Variants in KMT2D observed in about 807,000 individuals in gnomAD.
The protein encoded by KMT2D is histone-lysine N-methyltransferase 2D.
A neutral mutation model predicts 512.7 loss-of-function variants in KMT2D; 55 were observed. The observed-to-expected ratio is 0.11, with a 90% CI of 0.09 to 0.13. The LOEUF (loss-of-function observed/expected upper bound fraction) is 0.13. KMT2D is among the 10% of genes least tolerant of loss of function. The pLI, the probability that KMT2D is intolerant of heterozygous loss-of-function variation, is 1.00. For synonymous variants in KMT2D, 2,995 were observed against 2,904.0 expected (o/e 1.03, Z -1.01); for missense variants, 6,061 against 7,127.9 (o/e 0.85, Z 5.39).
chr12:49,043,699 T>C lies in KMT2D; in HGVS notation c.5403A>G (p.Leu1801=), dbSNP rs2120572093. The change falls in exon 24 of 55, where the codon CTA becomes CTG. Residue 1801 remains leucine, a synonymous_variant. Coordinates refer to ENST00000301067, the MANE Select transcript of KMT2D (RefSeq NM_003482.4). The part of the protein sequence containing the change: ...AVGVGRPSFG[L]GTPKAKGDGG... ...CATCTCCCTTGGCTTTTGGGGTCCC[T>C]AGTCCAAAGCTTGGCCGGCCCACCC... 1.2e-6 allele frequency: 2 copies of C among 1,614,028 alleles called. No individual in the cohort carries two copies. Among genetic ancestry groups the C allele is most frequent in the Non-Finnish European group, 1.7e-6 (2 of 1,179,880 alleles).
Position 49,031,398 on chromosome 12 carries a change from T to C in KMT2D, c.13307A>G (p.Asn4436Ser), listed in dbSNP as rs540151319. ...TCCTGGTGCCCCTATTGGCTCCCCA[T>C]TGGCCTCCCTCTTCACTGACTGGGC... ...LGAQSVKREA[N>S]GEPIGAPGTS... Residue 4436 changes from asparagine (N) to serine (S), a missense_variant, in exon 40 of 55, where the codon AAT becomes AGT. This residue lies in a region of KMT2D where 1,600 missense variants were observed against 1,754.9 expected (regional missense o/e 0.91). Coordinates refer to ENST00000301067, the MANE Select transcript of KMT2D (RefSeq NM_003482.4). The C allele has an allele frequency of 3.1e-6, 5 of 1,613,672 alleles. No homozygotes were observed. In the African/African-American group the frequency reaches 5.3e-5, roughly 17 times the overall value.
At chr12:49,023,907 T>G (rs1942443454) in intron 51 of KMT2D, 1 of 343,462 alleles carries the variant, frequency 2.9e-6, no homozygotes. Context: ...GGGACTAAGG[T>G]CCCTGGTACA....
rs1439459361 is a variant in KMT2D at position 49,038,783 on chromosome 12, G to A, written c.8573C>T (p.Ser2858Phe). The change falls in exon 35 of 55, where the codon TCC becomes TTC. Residue 2858 changes from serine to phenylalanine, a missense_variant. Ser to Phe is a radical substitution (Grantham distance 155, BLOSUM62 -2). This residue lies in a region of KMT2D where 527 missense variants were observed against 578.9 expected (regional missense o/e 0.91). Coordinates refer to ENST00000301067, the MANE Select transcript of KMT2D (RefSeq NM_003482.4). This position sits in a 1 kb window ranked among gnomAD's most constrained non-coding sequence, Gnocchi z 5.7. Reference sequence around the variant, plus strand: ...CTCACCAGGGCCTGGCAGACGGGTGGAAATTCCCGCCAACGGGGAACCTAG... The same window carrying A: ...CTCACCAGGGCCTGGCAGACGGGTGAAAATTCCCGCCAACGGGGAACCTAG... ...QALGSPLAGI[S>F]TRLPGPGEPV... is the part of the protein sequence containing the mutation. 4 of 1,595,598 alleles carry A rather than the reference G, an allele frequency of 2.5e-6. No individual in the cohort carries two copies. The highest frequency in any genetic ancestry group is 3.4e-6 in the Non-Finnish European group (4 of 1,171,104).
chr12:49,041,906 T>G lies in KMT2D; in HGVS notation c.6183+11A>C. 6.3e-7 allele frequency: 1 copy of G among 1,598,592 alleles called. No individual in the cohort carries two copies. The highest frequency in any genetic ancestry group is 8.5e-7 in the Non-Finnish European group (1 of 1,171,424). ...AGTTCCCACGCTAATCCATGCTCCT[T>G]TCTGCCTCACCAGGTAGGGGGCTTT... On this transcript the variant is annotated intron_variant, in intron 30 of 54. Transcript: ENST00000301067. This position sits in a 1 kb window ranked among gnomAD's most constrained non-coding sequence, Gnocchi z 5.4.
chr12:49,056,326 C>T (rs1042967304), intron 1 of KMT2D, among the ~76,000 whole-genome samples: 2 of 152,120 alleles, frequency 1.3e-5, no homozygotes, highest in African/African-American at 4.8e-5. Context: ...GTCCCTTGTC[C>T]CTTCTTCTAA....
chr12:49,024,682 G>C lies in KMT2D; in HGVS notation c.15948C>G (p.Asn5316Lys), dbSNP rs1335241749. The change falls in exon 51 of 55, where the codon AAC becomes AAG. Residue 5316 changes from asparagine to lysine, a missense_variant. Physicochemically the swap from Asn to Lys is moderately conservative, Grantham distance 94. Around this residue, in one of 16 missense-constraint regions of KMT2D, gnomAD observed 261 missense variants for 440.7 expected, o/e 0.59. Coordinates refer to ENST00000301067, the MANE Select transcript of KMT2D (RefSeq NM_003482.4). The surrounding 1 kb of genome is among the most constrained non-coding windows in gnomAD (Gnocchi z 4.5). The stretch of plus-strand genomic sequence containing the variant: ...GGTGGCGCCCATAGCGGAATAAATA[G>C]TTTTGACAGCTCTCCACCCCGGGCA... ...ESLPGVESCQ[N>K]YLFRYGRHPL... 6.2e-7 allele frequency: 1 copy of C among 1,613,888 alleles called. No homozygotes were observed. The highest frequency in any genetic ancestry group is 8.5e-7 in the Non-Finnish European group (1 of 1,179,838).
In KMT2D at chr12:49,054,219, A is replaced by G. The variant is rs1938261638; in HGVS notation, c.511-79T>C. 2 of 1,533,096 alleles carry G rather than the reference A, an allele frequency of 1.3e-6. No homozygotes were observed. The highest frequency in any genetic ancestry group is 1.8e-6 in the Non-Finnish European group (2 of 1,131,722). 95.0% of individuals were successfully genotyped at this position (1,533,096 alleles called of 1,614,324 possible). ...GTTCAGGCACTAGCTCTGCCCCAGT[A>G]TACCCATGGTCCTTCTCATTCCAAC... On this transcript the variant is annotated intron_variant, in intron 5 of 54. Transcript: ENST00000301067. This position sits in a 1 kb window ranked among gnomAD's most constrained non-coding sequence, Gnocchi z 6.4.
rs1321379103 is a variant in KMT2D, at chr12:49,026,027, A to C, written c.15784+155T>G. On this transcript the variant is annotated intron_variant, in intron 49 of 54. Transcript: ENST00000301067. This position sits in a 1 kb window ranked among gnomAD's most constrained non-coding sequence, Gnocchi z 9.6. ...TGACAAGAGAGGCTCAAACACTTTC[A>C]CTGGGAGTTTTCAAGAGACCCCCTG... Among the ~76,000 whole-genome samples, 1 of 152,192 alleles carries C rather than the reference A, an allele frequency of 6.6e-6. No individual in the cohort carries two copies. Among genetic ancestry groups the C allele is most frequent in the Non-Finnish European group, 1.5e-5 (1 of 68,020 alleles).
In KMT2D at chr12:49,026,046, C is replaced by G; in HGVS notation, c.15784+136G>C. 1.3e-6 allele frequency: 1 copy of G among 794,134 alleles called. No individual in the cohort carries two copies. The highest frequency in any genetic ancestry group is 1.9e-6 in the Non-Finnish European group (1 of 517,184). 49.2% of individuals were successfully genotyped at this position (794,134 alleles called of 1,614,324 possible). The stretch of plus-strand genomic sequence containing the variant: ...ACTTTCACTGGGAGTTTTCAAGAGA[C>G]CCCCTGCCTGCCTGAGGTGGGGGAA... On this transcript the variant is annotated intron_variant, in intron 49 of 54. Coordinates refer to ENST00000301067, the MANE Select transcript of KMT2D (RefSeq NM_003482.4). This position sits in a 1 kb window ranked among gnomAD's most constrained non-coding sequence, Gnocchi z 9.6.
Position 49,031,297 on chromosome 12 carries a change from T to G in KMT2D, c.13408A>C (p.Lys4470Gln). Residue 4470 changes from lysine to glutamine, a missense_variant, in exon 40 of 55, where the codon AAG becomes CAG. Transcript: ENST00000301067. ...HLLLQKLLRA[K>Q]NVQLSTGRGS... ...CGCCCAGTGCTGAGTTGCACATTCT[T>G]TGCCCGGAGTAGCTTCTGCAAGAGC... 6.2e-7 allele frequency: 1 copy of G among 1,613,578 alleles called. No individual in the cohort carries two copies. Among genetic ancestry groups the G allele is most frequent in the Non-Finnish European group, 8.5e-7 (1 of 1,179,902 alleles).
rs752287450 is a variant in KMT2D, at chr12:49,054,370, T to A, written c.447A>T (p.Val149=). ...HHWCAAWSAG[V]WGQEGPELCG... Reference sequence around the variant, plus strand: ...ATAGTTCTGGGCCCTCCTGCCCCCATACGCCTGCCGACCATGCAGCACACC... The same window carrying A: ...ATAGTTCTGGGCCCTCCTGCCCCCAAACGCCTGCCGACCATGCAGCACACC... Residue 149 remains valine, a synonymous_variant, in exon 5 of 55, where the codon GTA becomes GTT. Transcript: ENST00000301067. The surrounding 1 kb of genome is among the most constrained non-coding windows in gnomAD (Gnocchi z 6.4). 1 of 1,596,908 alleles carries A rather than the reference T, an allele frequency of 6.3e-7. No homozygotes were observed. Among genetic ancestry groups the A allele is most frequent in the Non-Finnish European group, 8.5e-7 (1 of 1,171,952 alleles).
At position 49,053,282 on chromosome 12, in the gene KMT2D, C is replaced by G. The variant is rs372915490; in HGVS notation, c.879G>C (p.Thr293=). ...GNDSKMLVCE[T]CDKGYHTFCL... ...AGAAAGTATGGTATCCTTTGTCACA[C>G]GTCTCACAAACCAACATCTTAGAGT... The change falls in exon 8 of 55, where the codon ACG becomes ACC. Residue 293 remains threonine, a synonymous_variant. Coordinates refer to ENST00000301067, the MANE Select transcript of KMT2D (RefSeq NM_003482.4). 1 of 1,613,996 alleles carries G rather than the reference C, an allele frequency of 6.2e-7. No individual in the cohort carries two copies. The highest frequency in any genetic ancestry group is 1.3e-5 in the African/African-American group (1 of 75,052).
At position 49,024,123 on chromosome 12, in the gene KMT2D, T is replaced by G; in HGVS notation, c.16052+455A>C. ...ACGCTTTGAAAAAAAAAGTATAAAG[T>G]GCTATACAAATGTAAGGTTTTATTA... On this transcript the variant is annotated intron_variant, in intron 51 of 54. Coordinates refer to ENST00000301067, the MANE Select transcript of KMT2D (RefSeq NM_003482.4). The surrounding 1 kb of genome is among the most constrained non-coding windows in gnomAD (Gnocchi z 4.5). 2.2e-6 allele frequency: 1 copy of G among 453,292 alleles called. No homozygotes were observed. Among genetic ancestry groups the G allele is most frequent in the Non-Finnish European group, 4.4e-6 (1 of 226,990 alleles). 28.1% of individuals were successfully genotyped at this position (453,292 alleles called of 1,614,324 possible). A position where few individuals can be genotyped will look rare whatever the true frequency, so the allele number is the denominator to read the frequency against.
chr12:49,041,343 G>A lies in KMT2D; in HGVS notation c.6427C>T (p.Leu2143=), dbSNP rs1262420057. The change falls in exon 32 of 55, where the codon CTG becomes TTG. Residue 2143 remains leucine, a synonymous_variant. Coordinates refer to ENST00000301067, the MANE Select transcript of KMT2D (RefSeq NM_003482.4). The surrounding 1 kb of genome is among the most constrained non-coding windows in gnomAD (Gnocchi z 5.4). ...GGCACCGAGCCCGCCGGCGGCTTCA[G>A]GAACCCGTCCGCAGAGGTAGACAAG... The part of the protein sequence containing the change: ...AGLSTSADGF[L]KPPAGSVPGP... The A allele has an allele frequency of 1.9e-6, 3 of 1,552,260 alleles. No homozygotes were observed. The highest frequency in any genetic ancestry group is 2.3e-5 in the East Asian group (1 of 44,088).
In KMT2D at chr12:49,028,118, T is replaced by C. The variant is rs768564916; in HGVS notation, c.14406A>G (p.Ala4802=). The change falls in exon 47 of 55, where the codon GCA becomes GCG. Residue 4802 remains alanine, a synonymous_variant. Transcript: ENST00000301067. ...TCTTCATGCTCAGCAGCTCCGCCACTGCCACCATCACGCCATTCAGGTTCT... is the reference window on the plus strand; with the variant it reads ...TCTTCATGCTCAGCAGCTCCGCCACCGCCACCATCACGCCATTCAGGTTCT... ...AAKNLNGVMV[A]VAELLSMKIP... The C allele has an allele frequency of 2.5e-6, 4 of 1,613,720 alleles. No individual in the cohort carries two copies. The South Asian group carries it at 4.4e-5, about 18-fold the overall frequency.
rs147210845 is a variant in KMT2D at position 49,030,882 on chromosome 12, T to TGG, written c.13671+9_13671+10dup. ...GGATGGGACCAGGGGGACTGTCTCC[T>TGG]GGGGGGTCACCTGTTTCAGCTGTTT... On this transcript the variant is annotated intron_variant, in intron 41 of 54. Transcript: ENST00000301067. 1.9e-6 allele frequency: 3 copies of TGG among 1,613,526 alleles called. No individual in the cohort carries two copies. The African/African-American group carries it at 4.0e-5, about 22-fold the overall frequency.
In KMT2D at chr12:49,042,424, A is replaced by G. The variant is rs537134680; in HGVS notation, c.5868-94T>C. 46 of 1,504,138 alleles carry G rather than the reference A, an allele frequency of 3.1e-5. 1 individual carries two copies. The African/African-American group carries it at 5.7e-4, about 19-fold the overall frequency. 93.2% of individuals were successfully genotyped at this position (1,504,138 alleles called of 1,614,324 possible). A position where few individuals can be genotyped will look rare whatever the true frequency, so the allele number is the denominator to read the frequency against. On this transcript the variant is annotated intron_variant, in intron 28 of 54. Coordinates refer to ENST00000301067, the MANE Select transcript of KMT2D (RefSeq NM_003482.4). The surrounding 1 kb of genome is among the most constrained non-coding windows in gnomAD (Gnocchi z 4.4). Reference sequence around the variant, plus strand: ...AGCCCCAGGCCACTGCCCTGCCCCAAAAGAGGAGGGTCACTAACAAGGGAA... The same window carrying G: ...AGCCCCAGGCCACTGCCCTGCCCCAGAAGAGGAGGGTCACTAACAAGGGAA...
intron 49 of KMT2D, among the ~76,000 whole-genome samples, 168 bp from the exon 50 acceptor site, chr12:49,025,114 T>C (rs1162963519): frequency 6.6e-6 from 1 of 152,150 alleles, no homozygotes; most frequent in Non-Finnish European, 1.5e-5. Flanking sequence ...CACTCTCTCT[T>C]AAGAAGCAGG....
At chr12:49,045,062 G>A (rs1943722761) in intron 19 of KMT2D, 97 bp from the exon 20 acceptor site, 2 of 1,204,636 alleles carry the variant, frequency 1.7e-6, no homozygotes, top group African/African-American at 1.5e-5. Context: ...GACAAAGGCA[G>A]TGACAAAAGT....
Sources: gnomAD v4.1 joint callset for allele counts (sites outside exome capture counted in the v4.1 genomes callset) on GRCh38, gnomAD v4.1.1 for gene constraint, gnomAD v4.1.1 regional missense constraint, Gnocchi (gnomAD v3.1) non-coding constraint, MANE v1.5 for transcripts, NCBI Gene and HGNC (gene_info 2026-07-23, HGNC 2026-07-21) for gene names.